NPSR1: variants seen among roughly 807,000 people sequenced by gnomAD.
NPSR1 encodes neuropeptide S receptor.
A neutral mutation model predicts 46.9 loss-of-function variants in NPSR1; 48 were observed. That is an observed-to-expected ratio of 1.02 (90% CI 0.81 to 1.30). The LOEUF (loss-of-function observed/expected upper bound fraction) is 1.30, where lower values mean the gene tolerates loss of function less well. Among genes scored for constraint, NPSR1 ranks in the 50% most tolerant of loss-of-function variants. The pLI is 0.00. For missense variants in NPSR1, 450 were observed against 449.5 expected, an observed-to-expected ratio of 1.00 and a Z score of -0.01; for synonymous variants, 176 against 168.1, an observed-to-expected ratio of 1.05 and a Z score of -0.36.
At chr7:34,765,860 T>G in intron 2 of NPSR1, among the ~76,000 whole-genome samples, 1 of 152,056 alleles carries the variant, frequency 6.6e-6, no homozygotes, top group East Asian at 1.9e-4. Context: ...TGGATACACA[T>G]GGACATAAAG....
chr7:34,836,004 T>A (rs962863426), intron 6 of NPSR1, among the ~76,000 whole-genome samples: 3 of 152,086 alleles, frequency 2.0e-5, no homozygotes, highest in Non-Finnish European at 4.4e-5. Context: ...AGACACAGAG[T>A]CATAGGTGGC....
intron 3 of NPSR1, among the ~76,000 whole-genome samples, chr7:34,789,740 C>CAAAAAAAAAA (rs751424409): frequency 4.4e-5 from 2 of 45,346 alleles, no homozygotes; most frequent in Non-Finnish European, 7.9e-5. Context: ...TTGCAGTGCG[C>CAAAAAAAAAA]AAAAAAAAAA....
intron 3 of NPSR1, among the ~76,000 whole-genome samples, chr7:34,780,687 C>T (rs1455322467): frequency 3.3e-5 from 5 of 152,124 alleles, no homozygotes; most frequent in African/African-American, 9.7e-5. Flanking sequence ...AAAGTAATAG[C>T]TCTCATTCAT....
intron 3 of NPSR1, among the ~76,000 whole-genome samples, chr7:34,804,549 A>T (rs1184089025): frequency 1.3e-5 from 2 of 152,114 alleles, no homozygotes; most frequent in Admixed American, 6.5e-5. Flanking sequence ...GCATCTAAAA[A>T]AACCATACAG....
intron 2 of NPSR1, among the ~76,000 whole-genome samples, chr7:34,735,551 T>C (rs1386501978): frequency 6.6e-6 from 1 of 152,192 alleles, no homozygotes; most frequent in Admixed American, 6.5e-5. Context: ...ATTAGTAGAA[T>C]ATAAGAGCTG....
chr7:34,788,967 G>C (rs1175968549), intron 3 of NPSR1, among the ~76,000 whole-genome samples: 1 of 151,854 alleles, frequency 6.6e-6, no homozygotes, highest in Non-Finnish European at 1.5e-5. Flanking sequence ...CAAAAACAAT[G>C]ACATGAAACT....
intron 2 of NPSR1, among the ~76,000 whole-genome samples, chr7:34,739,629 T>C (rs1784842454): frequency 6.6e-6 from 1 of 152,216 alleles, no homozygotes; most frequent in African/African-American, 2.4e-5. Flanking sequence ...CCACTTTTCC[T>C]AGGGATGTGG....
At chr7:34,827,314 A>G in intron 4 of NPSR1, 87 bp from the exon 5 acceptor site, 2 of 1,156,748 alleles carry the variant, frequency 1.7e-6, no homozygotes, top group Non-Finnish European at 2.5e-6. Context: ...TGGCTGCCCC[A>G]CAGTGATCCT....
Position 34,844,892 on chromosome 7 carries a change from A to G in NPSR1, c.758-4A>G. 1 of 1,576,930 alleles carries G rather than the reference A, an allele frequency of 6.3e-7. No individual in the cohort carries two copies. Reference sequence around the variant, plus strand: ...ATCTTACTATTCCCCTCTTGTATCTACAGATGGGAAACTGTGCAGCAGCTA... The same window carrying G: ...ATCTTACTATTCCCCTCTTGTATCTGCAGATGGGAAACTGTGCAGCAGCTA... On this transcript the variant is annotated splice_polypyrimidine_tract_variant and splice_region_variant and intron_variant, in intron 6 of 8. Transcript: ENST00000360581.
chr7:34,783,216 T>C (rs1787310837), intron 3 of NPSR1, among the ~76,000 whole-genome samples: 1 of 152,142 alleles, frequency 6.6e-6, no homozygotes, highest in Admixed American at 6.6e-5. Flanking sequence ...GACTGGGTAA[T>C]TTATAAGGGA....
intron 2 of NPSR1, among the ~76,000 whole-genome samples, chr7:34,687,535 G>A (rs1035854271): frequency 1.1e-4 from 16 of 152,116 alleles, no homozygotes; most frequent in African/African-American, 3.9e-4. Context: ...GGCAAGCAGG[G>A]GGAATGCCAG....
intron 1 of NPSR1, among the ~76,000 whole-genome samples, chr7:34,659,570 C>T (rs1418700520): frequency 6.6e-6 from 1 of 152,178 alleles, no homozygotes; most frequent in African/African-American, 2.4e-5. Flanking sequence ...AAACTTTCAG[C>T]AGGGTGCTGT....
At chr7:34,838,957 T>A (rs1790475834) in intron 6 of NPSR1, among the ~76,000 whole-genome samples, 1 of 152,184 alleles carries the variant, frequency 6.6e-6, no homozygotes, top group South Asian at 2.1e-4. Context: ...GTGGATATGA[T>A]CCATGCTATA....
intron 4 of NPSR1, among the ~76,000 whole-genome samples, chr7:34,820,146 G>A (rs758035332): frequency 1.3e-5 from 2 of 152,176 alleles, no homozygotes; most frequent in South Asian, 2.1e-4. Flanking sequence ...CAATACTAAA[G>A]GGGGACAGGA....
chr7:34,772,788 G>C (rs1445357752), intron 2 of NPSR1, among the ~76,000 whole-genome samples: 1 of 152,064 alleles, frequency 6.6e-6, no homozygotes, highest in East Asian at 1.9e-4. Context: ...ATCACAACTT[G>C]ACAGTTACAA....
chr7:34,678,336 C>A (rs955784302), intron 1 of NPSR1, among the ~76,000 whole-genome samples: 6 of 150,658 alleles, frequency 4.0e-5, no homozygotes, highest in Non-Finnish European at 8.8e-5. Context: ...ATTCTCCTGG[C>A]TCAGCCTCCC....
chr7:34,861,710 C>T (rs1380343344), intron 8 of NPSR1, among the ~76,000 whole-genome samples: 1 of 151,860 alleles, frequency 6.6e-6, no homozygotes, highest in Non-Finnish European at 1.5e-5. Context: ...TTCCTGTAAG[C>T]AGCCTACTCC....
At chr7:34,876,053 G>A (rs1450188398) in intron 8 of NPSR1, among the ~76,000 whole-genome samples, 1 of 152,212 alleles carries the variant, frequency 6.6e-6, no homozygotes, top group Non-Finnish European at 1.5e-5. Flanking sequence ...GCCAGGGACT[G>A]GTAGGGATGG....
At chr7:34,796,334 T>C (rs1788169760) in intron 3 of NPSR1, among the ~76,000 whole-genome samples, 1 of 152,136 alleles carries the variant, frequency 6.6e-6, no homozygotes, top group Non-Finnish European at 1.5e-5. Flanking sequence ...ACTGATAAGC[T>C]GGCATTTATT....
Sources: allele counts gnomAD v4.1 joint callset (sites outside exome capture counted in the v4.1 genomes callset), GRCh38; gene constraint gnomAD v4.1.1; transcripts MANE v1.5; gene names NCBI Gene and HGNC (gene_info 2026-07-23, HGNC 2026-07-21).